SLX4IP: variants seen among roughly 807,000 people sequenced by gnomAD.
SLX4IP encodes protein SLX4IP.
In SLX4IP, 34 loss-of-function variants were observed where a neutral mutation model predicts 32.9. The observed-to-expected ratio is 1.03, with a 90% CI of 0.79 to 1.38. The LOEUF is 1.38. Among genes scored for constraint, SLX4IP ranks in the 40% most tolerant of loss-of-function variants. SLX4IP has a pLI of 0.00. For missense variants in SLX4IP, 444 were observed against 479.0 expected (o/e 0.93, Z 0.68); for synonymous variants, 172 against 171.7 (o/e 1.00, Z -0.01).
intron 2 of SLX4IP, among the ~76,000 whole-genome samples, chr20:10,513,475 C>G (rs1436785170): frequency 1.3e-5 from 2 of 152,190 alleles, no homozygotes; most frequent in Non-Finnish European, 2.9e-5. Context: ...ACCTCTCATC[C>G]TATCCATCTT....
At chr20:10,460,575 C>T (rs1324359642) in intron 2 of SLX4IP, among the ~76,000 whole-genome samples, 1 of 152,168 alleles carries the variant, frequency 6.6e-6, no homozygotes, top group Non-Finnish European at 1.5e-5. Context: ...ACCCCGGTGG[C>T]TGAGTTTTGA....
intron 2 of SLX4IP, among the ~76,000 whole-genome samples, chr20:10,479,324 A>T (rs886679684): frequency 3.3e-5 from 5 of 150,626 alleles, no homozygotes; most frequent in Non-Finnish European, 7.4e-5. Flanking sequence ...AAAAATTTCC[A>T]TATTCTCATC....
chr20:10,522,396 T>C (rs1000634092), intron 2 of SLX4IP, among the ~76,000 whole-genome samples: 1 of 152,130 alleles, frequency 6.6e-6, no homozygotes, highest in Admixed American at 6.5e-5. Context: ...TAAAGTACAA[T>C]GATACGCGGA....
intron 1 of SLX4IP, among the ~76,000 whole-genome samples, chr20:10,435,955 G>A (rs575038436): frequency 1.3e-5 from 2 of 152,170 alleles, no homozygotes; most frequent in African/African-American, 4.8e-5. Flanking sequence ...CATCTACTAG[G>A]TTGAGACAAA....
intron 1 of SLX4IP, among the ~76,000 whole-genome samples, chr20:10,452,674 A>ATATATATATATATAT (rs201507537): frequency 9.0e-4 from 84 of 93,740 alleles, no homozygotes; most frequent in Middle Eastern, 4.5e-3. Context: ...CAAAAAAAAA[A>ATATATATATATATAT]AAAAAAATAT....
chr20:10,622,510 T>G, intron 7 of SLX4IP, 149 bp from the exon 8 acceptor site: 1 of 1,035,964 alleles, frequency 9.7e-7, no homozygotes, highest in Non-Finnish European at 1.4e-6. Context: ...ACACCTGTGG[T>G]GGGGAGTGTT....
intron 6 of SLX4IP, among the ~76,000 whole-genome samples, chr20:10,604,673 C>T (rs1394371213): frequency 1.2e-4 from 18 of 152,266 alleles, no homozygotes; most frequent in Non-Finnish European, 2.9e-5. Context: ...CCTGCTGTCA[C>T]TGTTGCGTTT....
intron 2 of SLX4IP, among the ~76,000 whole-genome samples, chr20:10,494,436 T>C (rs2065650530): frequency 6.6e-6 from 1 of 151,152 alleles, no homozygotes. Context: ...TACAATATAA[T>C]GCTTTTGAGT....
At chr20:10,500,130 C>CTTTTTTTTTTTTTTTTTTTTTTTTTTTT (rs34751503) in intron 2 of SLX4IP, among the ~76,000 whole-genome samples, 1 of 90,074 alleles carries the variant, frequency 1.1e-5, no homozygotes. Context: ...TGTCAAAATT[C>CTTTTTTTTTTTTTTTTTTTTTTTTTTTT]TTTTTTTTTT....
intron 2 of SLX4IP, among the ~76,000 whole-genome samples, chr20:10,518,405 T>G (rs1310818152): frequency 3.3e-5 from 2 of 60,062 alleles, no homozygotes. Flanking sequence ...CTTTCTTTCT[T>G]TCCTTCCTTC....
At chr20:10,520,426 G>A (rs1212600503) in intron 2 of SLX4IP, among the ~76,000 whole-genome samples, 2 of 152,160 alleles carry the variant, frequency 1.3e-5, no homozygotes, top group African/African-American at 4.8e-5. Flanking sequence ...TTCTGATCAG[G>A]TATATGATTT....
At chr20:10,462,037 G>A (rs375862517) in intron 2 of SLX4IP, among the ~76,000 whole-genome samples, 7 of 152,170 alleles carry the variant, frequency 4.6e-5, no homozygotes, top group East Asian at 3.9e-4. Flanking sequence ...AGGATGTTAC[G>A]AACTAGGGAA....
intron 2 of SLX4IP, among the ~76,000 whole-genome samples, chr20:10,498,375 G>A (rs2065687481): frequency 6.6e-6 from 1 of 151,910 alleles, no homozygotes; most frequent in African/African-American, 2.4e-5. Flanking sequence ...TGGCCTCAGG[G>A]GTTATCTCTC....
intron 2 of SLX4IP, among the ~76,000 whole-genome samples, chr20:10,545,801 G>A (rs1012044544): frequency 6.6e-6 from 1 of 152,076 alleles, no homozygotes; most frequent in African/African-American, 2.4e-5. Flanking sequence ...CTTCCTTCCT[G>A]CTTCAAGAAA....
At chr20:10,611,174 A>G (rs1362473382) in intron 6 of SLX4IP, among the ~76,000 whole-genome samples, 2 of 152,242 alleles carry the variant, frequency 1.3e-5, no homozygotes, top group Non-Finnish European at 2.9e-5. Context: ...AGCTGATAAT[A>G]TATTACACTT....
chr20:10,532,969 G>A (rs2066002758), intron 2 of SLX4IP, among the ~76,000 whole-genome samples: 3 of 152,068 alleles, frequency 2.0e-5, no homozygotes. Context: ...TACAGATGGG[G>A]TTTCACCATG....
At chr20:10,561,135 C>T (rs570157735) in intron 4 of SLX4IP, among the ~76,000 whole-genome samples, 1 of 152,072 alleles carries the variant, frequency 6.6e-6, no homozygotes, top group East Asian at 1.9e-4. Flanking sequence ...TCATAGGATA[C>T]AGAGTGATAT....
intron 4 of SLX4IP, among the ~76,000 whole-genome samples, chr20:10,585,873 G>A (rs1043193419): frequency 3.9e-5 from 6 of 152,080 alleles, no homozygotes; most frequent in African/African-American, 1.4e-4. Context: ...TTACAGGCAT[G>A]AGCCACCGTG....
intron 1 of SLX4IP, among the ~76,000 whole-genome samples, chr20:10,443,237 A>T (rs1446685757): frequency 1.3e-5 from 2 of 152,244 alleles, no homozygotes; most frequent in Admixed American, 1.3e-4. Flanking sequence ...ACAAAAACAA[A>T]AACAAAAAAC....
Sources: allele counts gnomAD v4.1 joint callset (sites outside exome capture counted in the v4.1 genomes callset), GRCh38; gene constraint gnomAD v4.1.1; transcripts MANE v1.5; gene names NCBI Gene and HGNC (gene_info 2026-07-23, HGNC 2026-07-21).